Variants in BRD4 observed in about 807,000 individuals in gnomAD.
The protein encoded by BRD4 is bromodomain-containing protein 4.
BRD4 carries 16 observed loss-of-function variants against 142.1 expected under a neutral mutation model. The observed-to-expected ratio is 0.11, with a 90% CI of 0.08 to 0.17. The LOEUF (loss-of-function observed/expected upper bound fraction) is 0.17. BRD4 is among the 10% of genes least tolerant of loss of function. BRD4 has a pLI of 1.00. For synonymous variants in BRD4, 833 were observed against 707.5 expected (o/e 1.18, Z -2.82); for missense variants, 1,424 against 1,810.9 (o/e 0.79, Z 3.88).
chr19:15,273,535 A>G (rs1044972763), intron 1 of BRD4, among the ~76,000 whole-genome samples: 1 of 152,222 alleles, frequency 6.6e-6, no homozygotes, highest in African/African-American at 2.4e-5. Flanking sequence ...GCAGGCTCCC[A>G]CATATGACAT....
At chr19:15,280,721 A>C (rs2047697526) in intron 1 of BRD4, among the ~76,000 whole-genome samples, 1 of 152,196 alleles carries the variant, frequency 6.6e-6, no homozygotes, top group Non-Finnish European at 1.5e-5. Context: ...TGAAATCACA[A>C]GTTCACAGTC....
intron 7 of BRD4, 62 bp downstream of exon 7, chr19:15,263,358 T>C: frequency 6.4e-7 from 1 of 1,568,822 alleles, no homozygotes. Flanking sequence ...CCCACAGAAG[T>C]CTGCTCCCAC....
chr19:15,279,379 T>C (rs1159006747), intron 1 of BRD4, among the ~76,000 whole-genome samples: 1 of 152,176 alleles, frequency 6.6e-6, no homozygotes, highest in Non-Finnish European at 1.5e-5. Flanking sequence ...CTCAGAAAGT[T>C]TGAACACTTT....
In BRD4 at chr19:15,286,469, T is replaced by C. The variant is rs1272422534; in HGVS notation, c.-34-13336A>G. On this transcript the variant is annotated intron_variant, in intron 1 of 19. Transcript: ENST00000679869. ...AACTCCATACTTGCACATCTGCGCA[T>C]GTCCAACAGAAATACAATGTGGCTA... Among the ~76,000 whole-genome samples, 7 of 152,228 alleles carry C rather than the reference T, an allele frequency of 4.6e-5. No homozygotes were observed. In the East Asian group the frequency reaches 5.8e-4, roughly 13 times the overall value.
chr19:15,249,332 T>A (rs1465108193), intron 11 of BRD4: 2 of 1,613,640 alleles, frequency 1.2e-6, no homozygotes, highest in African/African-American at 1.3e-5. Flanking sequence ...AGAAATGGTG[T>A]GGAATGTACC....
At chr19:15,312,525 A>G (rs188440606) in intron 1 of BRD4, among the ~76,000 whole-genome samples, 22 of 152,070 alleles carry the variant, frequency 1.4e-4, no homozygotes, top group African/African-American at 4.3e-4. Flanking sequence ...CCAGCTACTC[A>G]GGAGGCTGAG....
At chr19:15,279,351 C>G (rs764813075) in intron 1 of BRD4, among the ~76,000 whole-genome samples, 4 of 152,064 alleles carry the variant, frequency 2.6e-5, no homozygotes, top group Admixed American at 2.6e-4. Context: ...ATATAGAAAA[C>G]AAAAAATCCA....
Position 15,267,442 on chromosome 19 carries a change from C to A in BRD4, c.533G>T (p.Gly178Val), listed in dbSNP as rs779593497. 6.2e-7 allele frequency: 1 copy of A among 1,614,184 alleles called. No individual in the cohort carries two copies. The highest frequency in any genetic ancestry group is 8.5e-7 in the Non-Finnish European group (1 of 1,180,022). Residue 178 changes from glycine to valine, a missense_variant, in exon 4 of 20, where the codon GGA becomes GTA. Around this residue, in one of 16 missense-constraint regions of BRD4, gnomAD observed 55 missense variants for 160.7 expected, o/e 0.34. Coordinates refer to ENST00000679869, the MANE Select transcript of BRD4 (RefSeq NM_001379291.1). ...ETEIMIVQAK[G>V]RGRGRKETGT... is the part of the protein sequence containing the mutation. The stretch of plus-strand genomic sequence containing the variant: ...TGTTTCTTTCCTCCCACGTCCTCTT[C>A]CTTTTGCCTGGACTATCATGATCTC...
intron 7 of BRD4, 61 bp from the exon 8 acceptor site, chr19:15,257,234 C>T: frequency 1.4e-6 from 2 of 1,476,702 alleles, no homozygotes; most frequent in Non-Finnish European, 1.8e-6. Context: ...CCTAGCATCA[C>T]CTGCCCTCAT....
At chr19:15,287,096 A>C (rs2047745523) in intron 1 of BRD4, among the ~76,000 whole-genome samples, 2 of 152,216 alleles carry the variant, frequency 1.3e-5, no homozygotes, top group Non-Finnish European at 2.9e-5. Flanking sequence ...TTTAAAAGAA[A>C]ACATTAACAT....
At chr19:15,288,594 G>T (rs2047757758) in intron 1 of BRD4, among the ~76,000 whole-genome samples, 1 of 152,192 alleles carries the variant, frequency 6.6e-6, no homozygotes, top group Admixed American at 6.5e-5. Context: ...CTGGTGTGCA[G>T]AGCACAGAAC....
At chr19:15,272,677 A>C (rs1351094489) in intron 2 of BRD4, 138 bp downstream of exon 2, 2 of 734,576 alleles carry the variant, frequency 2.7e-6, no homozygotes, top group Non-Finnish European at 4.4e-6. Context: ...TGCTGAAACC[A>C]CTCACTCAAG....
rs749421543 is a variant in BRD4, at chr19:15,239,650, A to G, written c.3445+9T>C. 2 of 1,571,768 alleles carry G rather than the reference A, an allele frequency of 1.3e-6. No homozygotes were observed. Among genetic ancestry groups the G allele is most frequent in the Non-Finnish European group, 1.7e-6 (2 of 1,167,732 alleles). On this transcript the variant is annotated intron_variant, in intron 16 of 19. Coordinates refer to ENST00000679869, the MANE Select transcript of BRD4 (RefSeq NM_001379291.1). The surrounding 1 kb of genome is among the most constrained non-coding windows in gnomAD (Gnocchi z 7.4). ...CTGAGCCCTGGCTGTGGGCAGGGAG[A>G]GCACTCACGCTGGGGCAGGTGGACG...
At chr19:15,267,616 AC>A in intron 3 of BRD4, 65 bp from the exon 4 acceptor site, 1 of 1,522,916 alleles carries the variant, frequency 6.6e-7, no homozygotes, top group Non-Finnish European at 8.8e-7. Flanking sequence ...TAGACAGGGC[AC>A]CCCATGCCAC....
In BRD4 at chr19:15,238,193, G is replaced by C. The variant is rs890989168; in HGVS notation, c.*184C>G. 1.1e-5 allele frequency: 10 copies of C among 943,784 alleles called. No individual in the cohort carries two copies. Among genetic ancestry groups the C allele is most frequent in the Admixed American group, 8.9e-5 (3 of 33,790 alleles). The allele number at this position is 943,784 out of a possible 1,614,324, so 58.5% of individuals were successfully genotyped here. A position where few individuals can be genotyped will look rare whatever the true frequency, so the allele number is the denominator to read the frequency against. ...GGGTGGCGGGACGTCTGTCCGACTGGCCGTAAGGCAGACAGGCTCTGCAAT... is the reference window on the plus strand; with the variant it reads ...GGGTGGCGGGACGTCTGTCCGACTGCCCGTAAGGCAGACAGGCTCTGCAAT... On this transcript the variant is annotated 3_prime_UTR_variant, in exon 20 of 20. Coordinates refer to ENST00000679869, the MANE Select transcript of BRD4 (RefSeq NM_001379291.1). The surrounding 1 kb of genome is among the most constrained non-coding windows in gnomAD (Gnocchi z 7.2).
In BRD4 at chr19:15,272,960, G is replaced by A; in HGVS notation, c.140C>T (p.Pro47Leu). The A allele has an allele frequency of 6.2e-7, 1 of 1,614,250 alleles. No individual in the cohort carries two copies. The highest frequency in any genetic ancestry group is 8.5e-7 in the Non-Finnish European group (1 of 1,180,044). Residue 47 changes from proline to leucine, a missense_variant, in exon 2 of 20, where the codon CCC becomes CTC. Physicochemically the swap from Pro to Leu is moderately conservative, Grantham distance 98. This residue lies in a region of BRD4 where 70 missense variants were observed against 69.8 expected (regional missense o/e 1.00). Coordinates refer to ENST00000679869, the MANE Select transcript of BRD4 (RefSeq NM_001379291.1). ...CTTGTTAGGGTTGGAGGTCTCTGGGGGCGGGGGGTTGGTGCTGGCTGCGTT... is the reference window on the plus strand; with the variant it reads ...CTTGTTAGGGTTGGAGGTCTCTGGGAGCGGGGGGTTGGTGCTGGCTGCGTT... ...PANAASTNPP[P>L]PETSNPNKPK... is the part of the protein sequence containing the mutation.
chr19:15,241,436 T>C (rs1319721946), intron 14 of BRD4, among the ~76,000 whole-genome samples: 1 of 152,228 alleles, frequency 6.6e-6, no homozygotes, highest in Non-Finnish European at 1.5e-5. Flanking sequence ...GGCCCAGGGA[T>C]GCCTGTTAAG....
rs1466475050 is a variant in BRD4 at position 15,255,494 on chromosome 19, T to C, written c.1850A>G (p.Gln617Arg). 1 of 1,614,076 alleles carries C rather than the reference T, an allele frequency of 6.2e-7. No homozygotes were observed. The highest frequency in any genetic ancestry group is 1.3e-5 in the African/African-American group (1 of 74,916). The change falls in exon 10 of 20, where the codon CAG becomes CGG. Residue 617 changes from glutamine to arginine, a missense_variant. This residue lies in a region of BRD4 where 46 missense variants were observed against 110.4 expected (regional missense o/e 0.42). Coordinates refer to ENST00000679869, the MANE Select transcript of BRD4 (RefSeq NM_001379291.1). Reference protein sequence around the residue: ...CKPMSYEEKRQLSLDINKLPG... With the variant: ...CKPMSYEEKRRLSLDINKLPG... ...GAGCTTGTTGATGTCCAAGCTGAGC[T>C]GCCGCTTCTCCTCATAGGACATAGG... is the stretch of plus-strand genomic sequence containing the variant.
intron 2 of BRD4, among the ~76,000 whole-genome samples, chr19:15,271,959 C>T (rs1309057005): frequency 1.3e-5 from 2 of 151,824 alleles, no homozygotes; most frequent in African/African-American, 2.4e-5. Context: ...GGTGTGCACA[C>T]ACCAGTCTGG....
Sources: allele counts gnomAD v4.1 joint callset (sites outside exome capture counted in the v4.1 genomes callset), GRCh38; gene constraint gnomAD v4.1.1; regional missense constraint gnomAD v4.1.1; non-coding constraint Gnocchi (gnomAD v3.1); transcripts MANE v1.5; gene names NCBI Gene and HGNC (gene_info 2026-07-23, HGNC 2026-07-21).